The following SGCZ variants were observed in gnomAD, a reference collection of about 807,000 sequenced individuals.
The protein encoded by SGCZ is zeta-sarcoglycan.
In SGCZ, 40 loss-of-function variants were observed where a neutral mutation model predicts 41.3. The observed-to-expected ratio is 0.97, with a 90% CI of 0.75 to 1.26. SGCZ has a LOEUF of 1.26. Among genes scored for constraint, SGCZ ranks in the 50% most tolerant of loss-of-function variants. SGCZ has a pLI of 0.00. For synonymous variants in SGCZ, 206 were observed against 137.5 expected (o/e 1.50, Z -3.49); for missense variants, 552 against 369.8 (o/e 1.49, Z -4.04).
chr8:14,688,084 T>C lies in SGCZ; in HGVS notation c.40-133158A>G, dbSNP rs1168389045. On this transcript the variant is annotated intron_variant, in intron 1 of 7. Coordinates refer to ENST00000382080, the MANE Select transcript of SGCZ (RefSeq NM_139167.4). Reference sequence around the variant, plus strand: ...AATTTGTTTGAGTCCATTGTAGATTTTGGATATTAGCCCTTTGTCAGATGA... The same window carrying C: ...AATTTGTTTGAGTCCATTGTAGATTCTGGATATTAGCCCTTTGTCAGATGA... 5.9e-5 allele frequency among the ~76,000 whole-genome samples: 9 copies of C among 152,264 alleles called. 1 individual carries two copies. Among genetic ancestry groups the C allele is most frequent in the Admixed American group, 2.0e-4 (3 of 15,284 alleles).
chr8:14,889,473 A>G (rs1057054283), intron 1 of SGCZ, among the ~76,000 whole-genome samples: 1 of 152,162 alleles, frequency 6.6e-6, no homozygotes, highest in Admixed American at 6.5e-5. Context: ...TATTAAGTTG[A>G]CATCACACTT....
chr8:14,092,836 A>G (rs1050941480), intron 7 of SGCZ, among the ~76,000 whole-genome samples: 1 of 152,082 alleles, frequency 6.6e-6, no homozygotes, highest in Non-Finnish European at 1.5e-5. Context: ...CAATGTAAAA[A>G]TGAACCAATA....
chr8:14,862,612 A>G (rs1332865276), intron 1 of SGCZ, among the ~76,000 whole-genome samples: 3 of 146,188 alleles, frequency 2.1e-5, no homozygotes, highest in Non-Finnish European at 4.5e-5. Context: ...TACATTTTAT[A>G]TATATATATG....
intron 2 of SGCZ, among the ~76,000 whole-genome samples, chr8:14,423,450 C>G (rs1361886206): frequency 2.0e-5 from 3 of 151,958 alleles, no homozygotes; most frequent in African/African-American, 4.8e-5. Flanking sequence ...GAGTTTCGCT[C>G]TTGTTGGCCA....
At chr8:14,366,600 C>G (rs1019519154) in intron 2 of SGCZ, among the ~76,000 whole-genome samples, 1 of 152,054 alleles carries the variant, frequency 6.6e-6, no homozygotes, top group East Asian at 1.9e-4. Flanking sequence ...CCAACGGTCC[C>G]CCCAAAATCT....
At chr8:14,595,539 G>A (rs947136705) in intron 1 of SGCZ, among the ~76,000 whole-genome samples, 6 of 152,042 alleles carry the variant, frequency 3.9e-5, no homozygotes, top group Admixed American at 2.0e-4. Flanking sequence ...GTGGACTGAA[G>A]TTCCGTGGCT....
chr8:14,393,359 G>A (rs1329300745), intron 2 of SGCZ, among the ~76,000 whole-genome samples: 1 of 152,090 alleles, frequency 6.6e-6, no homozygotes, highest in Admixed American at 6.6e-5. Context: ...CAGGAACTAG[G>A]ACTAGACATG....
intron 1 of SGCZ, among the ~76,000 whole-genome samples, chr8:15,020,453 G>A (rs373528119): frequency 6.6e-6 from 1 of 152,044 alleles, no homozygotes; most frequent in East Asian, 1.9e-4. Flanking sequence ...CTGGGGACAT[G>A]GGTGCATATA....
At chr8:14,093,561 T>A (rs1008617321) in intron 7 of SGCZ, among the ~76,000 whole-genome samples, 1 of 152,086 alleles carries the variant, frequency 6.6e-6, no homozygotes, top group East Asian at 1.9e-4. Flanking sequence ...ACCGAAATAC[T>A]TTTCTCCAGA....
intron 1 of SGCZ, among the ~76,000 whole-genome samples, chr8:14,978,797 T>TTTTTG (rs890715261): frequency 5.9e-5 from 9 of 151,530 alleles, no homozygotes; most frequent in African/African-American, 1.5e-4. Context: ...AGTTTACAAT[T>TTTTTG]TTTTGTTTTG....
chr8:14,519,531 A>G (rs1453319698), intron 2 of SGCZ, among the ~76,000 whole-genome samples: 2 of 152,142 alleles, frequency 1.3e-5, no homozygotes, highest in South Asian at 2.1e-4. Flanking sequence ...AACACTTTAT[A>G]TATTTAAACA....
At chr8:14,544,150 T>G (rs780473691) in intron 2 of SGCZ, among the ~76,000 whole-genome samples, 14 of 152,142 alleles carry the variant, frequency 9.2e-5, no homozygotes, top group Non-Finnish European at 1.6e-4. Flanking sequence ...GAACATAAAT[T>G]CTGAAAATTT....
chr8:14,687,812 T>C (rs1253775508), intron 1 of SGCZ, among the ~76,000 whole-genome samples: 44 of 151,970 alleles, frequency 2.9e-4, no homozygotes, highest in Non-Finnish European at 4.7e-4. Context: ...GTCCCACCAA[T>C]AGTGTAAAAG....
intron 1 of SGCZ, among the ~76,000 whole-genome samples, chr8:14,661,509 C>T (rs1807749883): frequency 1.3e-5 from 2 of 152,098 alleles, no homozygotes; most frequent in African/African-American, 4.8e-5. Flanking sequence ...AAATACAGCA[C>T]CAATCAAACA....
At chr8:14,913,155 A>C (rs1799327387) in intron 1 of SGCZ, among the ~76,000 whole-genome samples, 1 of 152,068 alleles carries the variant, frequency 6.6e-6, no homozygotes, top group South Asian at 2.1e-4. Flanking sequence ...CTGAATGAAA[A>C]ACAGAAAATC....
At chr8:15,148,492 G>A (rs531687531) in intron 1 of SGCZ, among the ~76,000 whole-genome samples, 16 of 152,278 alleles carry the variant, frequency 1.1e-4, no homozygotes, top group Admixed American at 2.6e-4. Context: ...TTAGCAAATC[G>A]AAGGTTGAAG....
chr8:14,239,770 C>G (rs923176159), intron 3 of SGCZ, among the ~76,000 whole-genome samples: 8 of 149,350 alleles, frequency 5.4e-5, no homozygotes, highest in Non-Finnish European at 1.0e-4. Context: ...GGCGTAGTGG[C>G]GGGCGCCTGT....
intron 1 of SGCZ, among the ~76,000 whole-genome samples, chr8:14,672,668 G>C (rs1026257434): frequency 6.6e-6 from 1 of 152,146 alleles, no homozygotes; most frequent in African/African-American, 2.4e-5. Flanking sequence ...TTTGAATGAA[G>C]ACACTGGTTG....
intron 1 of SGCZ, among the ~76,000 whole-genome samples, chr8:14,842,600 G>C (rs1320283602): frequency 6.6e-6 from 1 of 152,144 alleles, no homozygotes; most frequent in Non-Finnish European, 1.5e-5. Context: ...AGATGATGTA[G>C]AGTGCCAGGC....
Sources: gnomAD v4.1 joint callset for allele counts (sites outside exome capture counted in the v4.1 genomes callset) on GRCh38, gnomAD v4.1.1 for gene constraint, MANE v1.5 for transcripts, NCBI Gene and HGNC (gene_info 2026-07-23, HGNC 2026-07-21) for gene names.